MYLK2: variants seen among roughly 807,000 people sequenced by gnomAD.
MYLK2 encodes myosin light chain kinase 2.
MYLK2 carries 27 observed loss-of-function variants against 58.2 expected under a neutral mutation model. That is an observed-to-expected ratio of 0.46 (90% CI 0.34 to 0.64). The LOEUF is 0.64. Among genes scored for constraint, MYLK2 ranks in the 30% least tolerant of loss-of-function variants. The pLI is 0.01. For synonymous variants in MYLK2, 310 were observed against 296.7 expected (o/e 1.04, Z -0.46); for missense variants, 676 against 764.3 (o/e 0.88, Z 1.36).
chr20:31,830,524 C>G (rs917016947), intron 8 of MYLK2, among the ~76,000 whole-genome samples: 3 of 152,218 alleles, frequency 2.0e-5, no homozygotes, highest in African/African-American at 7.2e-5. Context: ...TTCTGTTTCC[C>G]CATCCTCAGA....
chr20:31,821,418 C>T (rs1456615159), intron 3 of MYLK2, 21 bp from the exon 4 acceptor site: 9 of 1,612,510 alleles, frequency 5.6e-6, no homozygotes, highest in Non-Finnish European at 7.6e-6. Flanking sequence ...AGGGCTTCAC[C>T]TCTGTGTTCT....
At chr20:31,823,629 C>G in intron 5 of MYLK2, 47 bp downstream of exon 5, 5 of 1,563,720 alleles carry the variant, frequency 3.2e-6, no homozygotes, top group Non-Finnish European at 4.4e-6. Flanking sequence ...GAGAGTACAC[C>G]GGGCTCCTGT....
chr20:31,830,994 C>A lies in MYLK2; in HGVS notation c.1296-19C>A. ...TATAGGCCAGGAGCTGTGCTCTCAG[C>A]CCTTGGTCTCACCCCCAGGTATAAC... On this transcript the variant is annotated intron_variant, in intron 9 of 12. Transcript: ENST00000375985. 1 of 1,614,164 alleles carries A rather than the reference C, an allele frequency of 6.2e-7. No individual in the cohort carries two copies. The highest frequency in any genetic ancestry group is 8.5e-7 in the Non-Finnish European group (1 of 1,180,010).
chr20:31,824,214 G>A lies in MYLK2; in HGVS notation c.879-45G>A, dbSNP rs777803517. ...CAGAGCAAAGGATGCCACTGACCCC[G>A]GTGGGCTCTGGGGTCCCCTCACTTA... On this transcript the variant is annotated intron_variant, in intron 5 of 12. Coordinates refer to ENST00000375985, the MANE Select transcript of MYLK2 (RefSeq NM_033118.4). 1.7e-5 allele frequency: 27 copies of A among 1,596,316 alleles called. 1 individual carries two copies. Among genetic ancestry groups the A allele is most frequent in the Middle Eastern group, 1.6e-4 (1 of 6,062 alleles).
In MYLK2 at chr20:31,820,524, A is replaced by G. The variant is rs1799109363; in HGVS notation, c.451A>G (p.Ser151Gly). 6.2e-7 allele frequency: 1 copy of G among 1,602,162 alleles called. No individual in the cohort carries two copies. The highest frequency in any genetic ancestry group is 8.5e-7 in the Non-Finnish European group (1 of 1,179,958). The change falls in exon 3 of 13, where the codon AGC (serine) becomes GGC (glycine). Residue 151 changes from serine to glycine, a missense_variant. Physicochemically the swap from Ser to Gly is moderately conservative, Grantham distance 56. Coordinates refer to ENST00000375985, the MANE Select transcript of MYLK2 (RefSeq NM_033118.4). ...RGSPAFLHSP[S>G]CPAIISSSEK... ...CTCACCTGCCTTTCTGCATAGCCCCAGCTGTCCTGCCATCATCTCCAGGTG... is the reference window on the plus strand; with the variant it reads ...CTCACCTGCCTTTCTGCATAGCCCCGGCTGTCCTGCCATCATCTCCAGGTG...
chr20:31,827,431 T>G (rs1373527931), intron 8 of MYLK2: 18 of 985,296 alleles, frequency 1.8e-5, no homozygotes, highest in Non-Finnish European at 2.2e-5. Context: ...ATCCCTGCAT[T>G]CTTGGAGCTC....
rs1555790622 is a variant in MYLK2 at position 31,831,077 on chromosome 20, G to T, written c.1360G>T (p.Val454Leu). Residue 454 changes from valine to leucine, a missense_variant, in exon 10 of 13, where the codon GTG becomes TTG. Val to Leu is a conservative substitution (Grantham distance 32). Around this residue, in one of 2 missense-constraint regions of MYLK2, gnomAD observed 370 missense variants for 467.8 expected, o/e 0.79. Coordinates refer to ENST00000375985, the MANE Select transcript of MYLK2 (RefSeq NM_033118.4). Reference sequence around the variant, plus strand: ...CCCAGAGTTCCTGTCACCTGAGGTGGTGAATTATGACCAAATCTCCGATAA... The same window carrying T: ...CCCAGAGTTCCTGTCACCTGAGGTGTTGAATTATGACCAAATCTCCGATAA... ...GTPEFLSPEVVNYDQISDKTD... is the reference protein window; with the variant it reads ...GTPEFLSPEVLNYDQISDKTD... 1 of 1,614,154 alleles carries T rather than the reference G, an allele frequency of 6.2e-7. No homozygotes were observed. Among genetic ancestry groups the T allele is most frequent in the Non-Finnish European group, 8.5e-7 (1 of 1,180,018 alleles).
Position 31,820,267 on chromosome 20 carries a change from C to T in MYLK2, c.194C>T (p.Thr65Ile), listed in dbSNP as rs747109352. The change falls in exon 3 of 13, where the codon ACC (threonine) becomes ATC (isoleucine). Residue 65 changes from threonine to isoleucine, a missense_variant. Thr to Ile is a moderately conservative substitution (Grantham distance 89). Coordinates refer to ENST00000375985, the MANE Select transcript of MYLK2 (RefSeq NM_033118.4). ...CCTGCCTCAGAGAAAGGGGATGGTA[C>T]CCTGGCCCAACCCTCAACTAGCAGC... ...KAPASEKGDG[T>I]LAQPSTSSQG... The T allele has an allele frequency of 3.5e-5, 57 of 1,613,830 alleles. No homozygotes were observed. The East Asian group carries it at 5.6e-4, about 16-fold the overall frequency.
chr20:31,832,197 G>C, intron 12 of MYLK2, 61 bp downstream of exon 12: 1 of 1,574,694 alleles, frequency 6.4e-7, no homozygotes, highest in South Asian at 1.2e-5. Flanking sequence ...CCTGGTGCCA[G>C]ATCCCAGCCT....
chr20:31,833,596 A>C, intron 12 of MYLK2, 121 bp from the exon 13 acceptor site: 1 of 899,344 alleles, frequency 1.1e-6, no homozygotes. Context: ...CATTTTGGGC[A>C]CTGCACCTTC....
Position 31,820,151 on chromosome 20 carries a change from T to A in MYLK2, c.78T>A (p.Gly26=), listed in dbSNP as rs1600406921. ...ACAAGGCACCTAAAGGTCCCACAGG[T>A]GAAAGACCCCTGGCTGCAGGGAAAG... ...STDKAPKGPT[G]ERPLAAGKDP... The change falls in exon 3 of 13, where the codon GGT becomes GGA. Residue 26 remains glycine, a synonymous_variant. Transcript: ENST00000375985. 1 of 1,613,456 alleles carries A rather than the reference T, an allele frequency of 6.2e-7. No individual in the cohort carries two copies. The highest frequency in any genetic ancestry group is 1.3e-5 in the African/African-American group (1 of 74,770).
chr20:31,819,366 A>C lies in MYLK2; in HGVS notation c.-111A>C, dbSNP rs1295821670. 4.8e-6 allele frequency: 3 copies of C among 622,012 alleles called. No individual in the cohort carries two copies. The highest frequency in any genetic ancestry group is 8.7e-6 in the Non-Finnish European group (3 of 343,050). The allele number at this position is 622,012 out of a possible 1,614,324, so 38.5% of individuals were successfully genotyped here. A position where few individuals can be genotyped will look rare whatever the true frequency, so the allele number is the denominator to read the frequency against. ...CCGGCCCAATCCCTTACAACTGCCCAGGACTGCTCCTGAGCAGCCGCTGGG... is the reference window on the plus strand; with the variant it reads ...CCGGCCCAATCCCTTACAACTGCCCCGGACTGCTCCTGAGCAGCCGCTGGG... On this transcript the variant is annotated 5_prime_UTR_variant, in exon 1 of 13. Coordinates refer to ENST00000375985, the MANE Select transcript of MYLK2 (RefSeq NM_033118.4).
At position 31,820,316 on chromosome 20, in the gene MYLK2, C is replaced by T. The variant is rs138517155; in HGVS notation, c.243C>T (p.Asp81=). The T allele has an allele frequency of 3.1e-6, 5 of 1,613,244 alleles. No homozygotes were observed. In the East Asian group the frequency reaches 6.7e-5, roughly 22 times the overall value. ...GCCAAGGCCCCAAAGGAGAGGGTGA[C>T]AGGGGCGGGGGGCCCGCGGAGGGCA... The part of the protein sequence containing the change: ...TSSQGPKGEG[D]RGGGPAEGSA... The change falls in exon 3 of 13, where the codon GAC becomes GAT. Residue 81 remains aspartate, a synonymous_variant. Coordinates refer to ENST00000375985, the MANE Select transcript of MYLK2 (RefSeq NM_033118.4).
rs372639122 is a variant in MYLK2 at position 31,823,507 on chromosome 20, C to G, written c.803C>G (p.Pro268Arg). The G allele has an allele frequency of 1.9e-6, 3 of 1,613,700 alleles. No homozygotes were observed. Among genetic ancestry groups the G allele is most frequent in the Admixed American group, 1.7e-5 (1 of 60,026 alleles). ...DDCPPPPAPF[P>R]HRMVELRTGN... is the part of the protein sequence containing the mutation. Reference sequence around the variant, plus strand: ...TGCCCGCCACCTCCGGCCCCCTTCCCTCACCGCATGGTGGAGCTGAGGACC... The same window carrying G: ...TGCCCGCCACCTCCGGCCCCCTTCCGTCACCGCATGGTGGAGCTGAGGACC... Residue 268 changes from proline (P) to arginine (R), a missense_variant, in exon 5 of 13, where the codon CCT becomes CGT. Around this residue, in one of 2 missense-constraint regions of MYLK2, gnomAD observed 370 missense variants for 467.8 expected, o/e 0.79. Coordinates refer to ENST00000375985, the MANE Select transcript of MYLK2 (RefSeq NM_033118.4).
At position 31,824,325 on chromosome 20, in the gene MYLK2, C is replaced by T; in HGVS notation, c.945C>T (p.Val315=). The T allele has an allele frequency of 6.2e-7, 1 of 1,612,998 alleles. No homozygotes were observed. Among genetic ancestry groups the T allele is most frequent in the Non-Finnish European group, 8.5e-7 (1 of 1,179,432 alleles). The change falls in exon 6 of 13, where the codon GTC becomes GTT. Residue 315 remains valine (V), a synonymous_variant. Coordinates refer to ENST00000375985, the MANE Select transcript of MYLK2 (RefSeq NM_033118.4). ...KATGLKLAAK[V]IKKQTPKDKE... ...CAGGCCTCAAGCTGGCAGCCAAGGT[C>T]ATCAAGAAACAGACTCCCAAAGACA...
chr20:31,823,964 G>C, intron 5 of MYLK2: 1 of 985,008 alleles, frequency 1.0e-6, no homozygotes, highest in African/African-American at 1.7e-5. Flanking sequence ...AGGGCCCAGG[G>C]CCTGCCTGCC....
intron 8 of MYLK2, 87 bp from the exon 9 acceptor site, chr20:31,830,732 C>A: frequency 7.1e-7 from 1 of 1,411,464 alleles, no homozygotes; most frequent in Non-Finnish European, 1.0e-6. Flanking sequence ...GCCTCTGCCT[C>A]AAGGAGCCTG....
Position 31,826,852 on chromosome 20 carries a change from G to A in MYLK2, c.1138G>A (p.Glu380Lys), listed in dbSNP as rs1174826293. ...RIVDEDYHLT[E>K]VDTMVFVRQI... ...TGTGGATGAGGACTACCATCTGACCGAGGTGGACACCATGGTGTTTGTCAG... is the reference window on the plus strand; with the variant it reads ...TGTGGATGAGGACTACCATCTGACCAAGGTGGACACCATGGTGTTTGTCAG... Residue 380 changes from glutamate (E) to lysine (K), a missense_variant, in exon 8 of 13, where the codon GAG becomes AAG. By Grantham distance (56) the Glu-to-Lys change is moderately conservative (BLOSUM62 1). Transcript: ENST00000375985. 3.7e-6 allele frequency: 6 copies of A among 1,614,142 alleles called. No homozygotes were observed. Among genetic ancestry groups the A allele is most frequent in the South Asian group, 1.1e-5 (1 of 91,082 alleles).
Position 31,830,896 on chromosome 20 carries a change from C to T in MYLK2, c.1295+7C>T, listed in dbSNP as rs1450220942. ...ACTTTGGCCTGGCACGGAGGTACCACCTGGGTGGGTGGGGAGGGCAAGACA... is the reference window on the plus strand; with the variant it reads ...ACTTTGGCCTGGCACGGAGGTACCATCTGGGTGGGTGGGGAGGGCAAGACA... On this transcript the variant is annotated splice_region_variant and intron_variant, in intron 9 of 12. Transcript: ENST00000375985. 6.4e-7 allele frequency: 1 copy of T among 1,569,202 alleles called. No homozygotes were observed.
Sources: gnomAD v4.1 joint callset for allele counts (sites outside exome capture counted in the v4.1 genomes callset) on GRCh38, gnomAD v4.1.1 for gene constraint, gnomAD v4.1.1 regional missense constraint, MANE v1.5 for transcripts, NCBI Gene and HGNC (gene_info 2026-07-23, HGNC 2026-07-21) for gene names.